The following PFDN1 variants were observed in gnomAD, a reference collection of about 807,000 sequenced individuals.
PFDN1 encodes prefoldin 1.
In PFDN1, 6 loss-of-function variants were observed where a neutral mutation model predicts 17.3. That is an observed-to-expected ratio of 0.35 (90% CI 0.19 to 0.69). PFDN1 has a LOEUF of 0.69. Among genes scored for constraint, PFDN1 ranks in the 30% least tolerant of loss-of-function variants. PFDN1 has a pLI of 0.65. For missense variants in PFDN1, 113 were observed against 146.2 expected, an observed-to-expected ratio of 0.77 and a Z score of 1.17; for synonymous variants, 58 against 50.1, an observed-to-expected ratio of 1.16 and a Z score of -0.67.
At chr5:140,277,512 TA>T (rs1005800584) in intron 3 of PFDN1, among the ~76,000 whole-genome samples, 111 of 147,058 alleles carry the variant, frequency 7.5e-4, no homozygotes, top group African/African-American at 2.4e-3. Flanking sequence ...CAGAATTTAT[TA>T]AAAAAAAAAC....
Position 140,263,748 on chromosome 5 carries a change from G to A in PFDN1, c.286-17691C>T, listed in dbSNP as rs535579818. Among the ~76,000 whole-genome samples the A allele has an allele frequency of 9.9e-5, 15 of 152,136 alleles. No homozygotes were observed. The East Asian group carries it at 1.9e-3, about 20-fold the overall frequency. ...ACAATCATGGTAGAAGGAGCCGGGCGTGGTGGCTCATGCCTGTAATCCCAG... is the reference window on the plus strand; with the variant it reads ...ACAATCATGGTAGAAGGAGCCGGGCATGGTGGCTCATGCCTGTAATCCCAG... On this transcript the variant is annotated intron_variant, in intron 3 of 3. Transcript: ENST00000261813.
At chr5:140,302,896 G>A (rs1340541642) in intron 1 of PFDN1, 145 bp downstream of exon 1, 2 of 720,948 alleles carry the variant, frequency 2.8e-6, no homozygotes, top group African/African-American at 3.5e-5. Context: ...GAGACCCAGT[G>A]AGGCCTTAGG....
At chr5:140,248,409 G>A (rs1764863532) in intron 3 of PFDN1, among the ~76,000 whole-genome samples, 1 of 151,050 alleles carries the variant, frequency 6.6e-6, no homozygotes, top group African/African-American at 2.4e-5. Context: ...GCTGAAAAAA[G>A]GCAAATACTA....
Position 140,295,735 on chromosome 5 carries a change from G to A in PFDN1, c.200+4681C>T, listed in dbSNP as rs550953905. Among the ~76,000 whole-genome samples the A allele has an allele frequency of 1.5e-3, 227 of 151,970 alleles. 1 individual carries two copies. Among genetic ancestry groups the A allele is most frequent in the South Asian group, 0.013 (64 of 4,818 alleles). On this transcript the variant is annotated intron_variant, in intron 2 of 3. Transcript: ENST00000261813. ...CTTATCCTGTAGCTTGACTTTCCTT[G>A]TTTTAAACCAAAAATAGCCATGTAT...
At chr5:140,267,817 T>C (rs1315370479) in intron 3 of PFDN1, among the ~76,000 whole-genome samples, 1 of 152,100 alleles carries the variant, frequency 6.6e-6, no homozygotes, top group African/African-American at 2.4e-5. Context: ...CGTGTCTTTA[T>C]AGCATCACAG....
intron 3 of PFDN1, among the ~76,000 whole-genome samples, chr5:140,279,057 C>G (rs112462662): frequency 1.1e-4 from 16 of 152,072 alleles, no homozygotes; most frequent in African/African-American, 3.4e-4. Context: ...AGTTATATTA[C>G]TAAAGTAGCA....
intron 3 of PFDN1, among the ~76,000 whole-genome samples, chr5:140,276,698 T>C (rs1444431687): frequency 1.5e-5 from 2 of 135,910 alleles, no homozygotes; most frequent in Non-Finnish European, 3.0e-5. Flanking sequence ...GGAGAATTGT[T>C]CCAACCCAGG....
rs573088751 is a variant in PFDN1 at position 140,279,398 on chromosome 5, G to A, written c.285+2051C>T. ...CAGTATTTGAGACACTCAACAAAAG[G>A]AAACTTGCAGAAAGTAAATTTCTTA... On this transcript the variant is annotated intron_variant, in intron 3 of 3. Transcript: ENST00000261813. Among the ~76,000 whole-genome samples the A allele has an allele frequency of 7.2e-5, 11 of 151,994 alleles. No homozygotes were observed. In the East Asian group the frequency reaches 1.9e-3, roughly 27 times the overall value.
At chr5:140,297,607 A>G (rs546426486) in intron 2 of PFDN1, among the ~76,000 whole-genome samples, 4 of 152,310 alleles carry the variant, frequency 2.6e-5, no homozygotes, top group African/African-American at 9.6e-5. Flanking sequence ...TTAAAACTCC[A>G]CACTTCTTTT....
chr5:140,253,122 C>T (rs183064787), intron 3 of PFDN1, among the ~76,000 whole-genome samples: 65 of 152,352 alleles, frequency 4.3e-4, no homozygotes, highest in African/African-American at 1.4e-3. Context: ...GAAGGAGTTA[C>T]TGTCCCTGCA....
intron 2 of PFDN1, among the ~76,000 whole-genome samples, chr5:140,298,816 G>A (rs533218353): frequency 7.2e-5 from 11 of 151,734 alleles, no homozygotes; most frequent in African/African-American, 2.4e-4. Flanking sequence ...GTGTAATGGC[G>A]CAATCTCGGC....
intron 3 of PFDN1, among the ~76,000 whole-genome samples, chr5:140,267,225 C>T (rs1040973092): frequency 6.6e-6 from 1 of 152,200 alleles, no homozygotes; most frequent in African/African-American, 2.4e-5. Flanking sequence ...TTTATCAAAC[C>T]ACCTGACTCT....
chr5:140,267,116 T>A (rs1228414873), intron 3 of PFDN1, among the ~76,000 whole-genome samples: 2 of 152,190 alleles, frequency 1.3e-5, no homozygotes, highest in East Asian at 1.9e-4. Context: ...CATGCTGCGG[T>A]GTAGGTTACA....
At chr5:140,278,747 A>C (rs963162744) in intron 3 of PFDN1, among the ~76,000 whole-genome samples, 1 of 152,204 alleles carries the variant, frequency 6.6e-6, no homozygotes, top group Admixed American at 6.5e-5. Flanking sequence ...TCTCTCAGTA[A>C]CTAAATGAAT....
rs113993165 is a variant in PFDN1, at chr5:140,248,072, C to CT, written c.286-2016dup. On this transcript the variant is annotated intron_variant, in intron 3 of 3. Transcript: ENST00000261813. ...TTTAAACTTCCTTTGATAAACAACTCTTTTTTTTTTTTTTGAGACGGAATC... is the reference window on the plus strand; with the variant it reads ...TTTAAACTTCCTTTGATAAACAACTCTTTTTTTTTTTTTTTGAGACGGAATC... Among the ~76,000 whole-genome samples, 645 of 142,942 alleles carry CT rather than the reference C, an allele frequency of 4.5e-3. 5 individuals are homozygous for CT. Among genetic ancestry groups the CT allele is most frequent in the African/African-American group, 8.2e-3 (318 of 38,922 alleles). 93.8% of individuals were successfully genotyped at this position (142,942 alleles called of 152,430 possible).
At chr5:140,300,940 A>T (rs1435247372) in intron 1 of PFDN1, among the ~76,000 whole-genome samples, 16 of 152,240 alleles carry the variant, frequency 1.1e-4, no homozygotes, top group African/African-American at 3.9e-4. Context: ...TGTATTGCAC[A>T]ATTAGGTTTC....
At chr5:140,297,998 A>C (rs963455815) in intron 2 of PFDN1, among the ~76,000 whole-genome samples, 4 of 152,194 alleles carry the variant, frequency 2.6e-5, no homozygotes, top group Admixed American at 2.6e-4. Flanking sequence ...TTAAGGATAA[A>C]ATTATCCTGT....
chr5:140,296,143 T>G (rs956272539), intron 2 of PFDN1, among the ~76,000 whole-genome samples: 1 of 152,194 alleles, frequency 6.6e-6, no homozygotes, highest in African/African-American at 2.4e-5. Flanking sequence ...AGTCAAAATA[T>G]ATGTTACTTT....
chr5:140,280,016 A>G (rs996495195), intron 3 of PFDN1, among the ~76,000 whole-genome samples: 3 of 135,046 alleles, frequency 2.2e-5, no homozygotes, highest in Non-Finnish European at 4.7e-5. Context: ...AAAAAAAACA[A>G]AAAAAGAAAA....
Sources: allele counts gnomAD v4.1 joint callset (sites outside exome capture counted in the v4.1 genomes callset), GRCh38; gene constraint gnomAD v4.1.1; transcripts MANE v1.5; gene names NCBI Gene and HGNC (gene_info 2026-07-23, HGNC 2026-07-21).